BRD10: variants seen among roughly 807,000 people sequenced by gnomAD.
BRD10 encodes the protein bromodomain containing 10.
the BRD10 span, among the ~76,000 whole-genome samples, chr9:5,979,803 G>C: frequency 8.4e-3 from 1,282 of 151,906 alleles, 12 homozygotes; most frequent in African/African-American, 0.029. Context: ...ATCACCTGAG[G>C]TCAGGAGTTC....
At chr9:5,998,504 C>T in the BRD10 span, among the ~76,000 whole-genome samples, 1 of 152,076 alleles carries the variant, frequency 6.6e-6, no homozygotes, top group African/African-American at 2.4e-5. Context: ...CCTTTTCTCT[C>T]CAGTCTGTCT....
the BRD10 span, among the ~76,000 whole-genome samples, chr9:5,983,922 G>C: frequency 1.2e-4 from 16 of 134,962 alleles, no homozygotes; most frequent in East Asian, 3.8e-3. Flanking sequence ...GTGCTGATAG[G>C]AAAAAACCTG....
the BRD10 span, among the ~76,000 whole-genome samples, chr9:5,958,387 C>T: frequency 6.6e-6 from 1 of 152,144 alleles, no homozygotes; most frequent in Non-Finnish European, 1.5e-5. Flanking sequence ...GTTCCCCTTT[C>T]TCAGTTTCTT....
At chr9:5,921,439 G>C in the BRD10 span, 2 of 1,613,922 alleles carry the variant, frequency 1.2e-6, no homozygotes, top group Admixed American at 3.3e-5. Context: ...CAAGAGTTGG[G>C]GTTGATGTAC....
At chr9:5,879,471 C>T in the BRD10 span, among the ~76,000 whole-genome samples, 1 of 152,148 alleles carries the variant, frequency 6.6e-6, no homozygotes, top group South Asian at 2.1e-4. Context: ...AGGCATTGTC[C>T]CCTTGAGACC....
chr9:5,961,894 G>A, the BRD10 span, among the ~76,000 whole-genome samples: 17 of 152,090 alleles, frequency 1.1e-4, no homozygotes, highest in Admixed American at 5.9e-4. Flanking sequence ...ATCACCTGCC[G>A]GTCTATCAAT....
At chr9:5,925,282 C>T in the BRD10 span, among the ~76,000 whole-genome samples, 1 of 151,366 alleles carries the variant, frequency 6.6e-6, no homozygotes, top group Non-Finnish European at 1.5e-5. Flanking sequence ...CTGCTTGAAC[C>T]CAGGAGGTGG....
the BRD10 span, among the ~76,000 whole-genome samples, chr9:5,939,949 G>A: frequency 7.2e-5 from 11 of 152,130 alleles, no homozygotes; most frequent in South Asian, 2.1e-4. Context: ...AGAACTCTGT[G>A]ACCAAAAAAC....
chr9:5,902,601 C>T, the BRD10 span, among the ~76,000 whole-genome samples: 1 of 151,890 alleles, frequency 6.6e-6, no homozygotes, highest in African/African-American at 2.4e-5. Context: ...TCCTGAGTAG[C>T]TAGGACTACA....
chr9:5,979,443 G>T, the BRD10 span, among the ~76,000 whole-genome samples: 13 of 151,942 alleles, frequency 8.6e-5, no homozygotes, highest in African/African-American at 3.1e-4. Flanking sequence ...AGCCTGGGAG[G>T]TGGAGTCTGC....
the BRD10 span, among the ~76,000 whole-genome samples, chr9:5,951,043 C>CGT: frequency 3.5e-4 from 32 of 91,614 alleles, no homozygotes; most frequent in African/African-American, 1.4e-3. Context: ...TGTACACACA[C>CGT]ACACACACAC....
At chr9:5,981,144 C>G in the BRD10 span, among the ~76,000 whole-genome samples, 1 of 152,212 alleles carries the variant, frequency 6.6e-6, no homozygotes, top group Non-Finnish European at 1.5e-5. Flanking sequence ...CAATAGGCAA[C>G]CTCACTCTCA....
the BRD10 span, chr9:5,923,120 T>G: frequency 6.2e-7 from 1 of 1,613,866 alleles, no homozygotes; most frequent in African/African-American, 1.3e-5. Flanking sequence ...AACTGTTGTC[T>G]CATTTGTGCT....
the BRD10 span, among the ~76,000 whole-genome samples, chr9:5,999,622 C>T: frequency 6.6e-6 from 1 of 152,122 alleles, no homozygotes; most frequent in African/African-American, 2.4e-5. Context: ...ATCTGGCCCT[C>T]ACCGTCACAC....
At chr9:5,985,551 C>T in the BRD10 span, among the ~76,000 whole-genome samples, 11 of 152,056 alleles carry the variant, frequency 7.2e-5, no homozygotes, top group Admixed American at 5.9e-4. Context: ...TGTGGGAGGC[C>T]GAGGTGGGCA....
chr9:5,975,617 G>A, the BRD10 span, among the ~76,000 whole-genome samples: 290 of 152,216 alleles, frequency 1.9e-3, no homozygotes, highest in African/African-American at 6.7e-3. Flanking sequence ...TACACAGAAT[G>A]CGATTTATGA....
At chr9:5,958,213 TAAGAA>T in the BRD10 span, among the ~76,000 whole-genome samples, 18 of 152,126 alleles carry the variant, frequency 1.2e-4, no homozygotes, top group Non-Finnish European at 2.4e-4. Context: ...TAGAACAACT[TAAGAA>T]AAGAATGCCC....
At chr9:5,951,783 T>TCCTCC in the BRD10 span, among the ~76,000 whole-genome samples, 1 of 151,072 alleles carries the variant, frequency 6.6e-6, no homozygotes. Flanking sequence ...TAGCACTATC[T>TCCTCC]CCTATTTTAT....
At chr9:5,919,580 AC>A in the BRD10 span, 1 of 1,009,756 alleles carries the variant, frequency 9.9e-7, no homozygotes, top group Non-Finnish European at 1.4e-6. Context: ...ACACACACAC[AC>A]ACAATGTATA....
Sources: gnomAD v4.1 joint callset for allele counts (sites outside exome capture counted in the v4.1 genomes callset) on GRCh38, gnomAD v4.1.1 for gene constraint, MANE v1.5 for transcripts, NCBI Gene and HGNC (gene_info 2026-07-23, HGNC 2026-07-21) for gene names.